The following TET2 variants were observed in gnomAD, a reference collection of about 807,000 sequenced individuals.
TET2 encodes the protein methylcytosine dioxygenase TET2.
TET2 carries 299 observed loss-of-function variants against 142.9 expected under a neutral mutation model. The observed-to-expected ratio is 2.09, with a 90% CI of 1.90 to 2.30. The LOEUF is 2.30. TET2 is among the 30% of genes most tolerant of loss of function. The pLI, the probability that TET2 is intolerant of heterozygous loss-of-function variation, is 0.00. For synonymous variants in TET2, 819 were observed against 849.0 expected (o/e 0.96, Z 0.61); for missense variants, 2,418 against 2,378.0 (o/e 1.02, Z -0.35).
At chr4:105,264,917 C>T (rs546879309) in intron 8 of TET2, among the ~76,000 whole-genome samples, 3 of 152,270 alleles carry the variant, frequency 2.0e-5, no homozygotes, top group South Asian at 2.1e-4. Context: ...TCCTTGATTT[C>T]ATGAAGTCTT....
At chr4:105,240,342 T>A (rs1161580911) in intron 3 of TET2, 8 of 1,066,888 alleles carry the variant, frequency 7.5e-6, no homozygotes, top group Admixed American at 5.5e-5. Flanking sequence ...AAAAGCTTTT[T>A]GTTAAAATTC....
chr4:105,163,840 AGAGAGAG>A (rs1560716732), intron 1 of TET2, among the ~76,000 whole-genome samples: 23 of 117,460 alleles, frequency 2.0e-4, no homozygotes, highest in African/African-American at 8.1e-4. Context: ...AGAGAGAGAG[AGAGAGAG>A]AGAGAGAGTG....
intron 8 of TET2, among the ~76,000 whole-genome samples, chr4:105,262,784 G>A (rs1460215367): frequency 6.6e-6 from 1 of 152,018 alleles, no homozygotes; most frequent in Non-Finnish European, 1.5e-5. Context: ...GGAAGGCTAA[G>A]GCAGGAGAAT....
At chr4:105,219,119 A>G (rs938169233) in intron 2 of TET2, among the ~76,000 whole-genome samples, 2 of 152,118 alleles carry the variant, frequency 1.3e-5, no homozygotes, top group Non-Finnish European at 2.9e-5. Context: ...TTTTCATTAG[A>G]ACTGATACAT....
At chr4:105,213,538 T>G (rs1188557386) in intron 2 of TET2, among the ~76,000 whole-genome samples, 1 of 152,194 alleles carries the variant, frequency 6.6e-6, no homozygotes, top group Non-Finnish European at 1.5e-5. Flanking sequence ...CCAAATGGAC[T>G]TCCTGCTATT....
intron 2 of TET2, among the ~76,000 whole-genome samples, chr4:105,192,991 G>A (rs1725872610): frequency 1.3e-5 from 2 of 152,124 alleles, no homozygotes; most frequent in African/African-American, 4.8e-5. Context: ...AGTAGTAAAA[G>A]GTTTTATGCA....
At chr4:105,264,316 C>T (rs1730588939) in intron 8 of TET2, among the ~76,000 whole-genome samples, 1 of 152,090 alleles carries the variant, frequency 6.6e-6, no homozygotes, top group Admixed American at 6.6e-5. Flanking sequence ...GTTTAATTCT[C>T]AGCAAGAACT....
Position 105,234,249 on chromosome 4 carries a change from CT to C in TET2, c.308del (p.Leu103ProfsTer10). 1 of 1,614,134 alleles carries C rather than the reference CT, an allele frequency of 6.2e-7. No homozygotes were observed. Among genetic ancestry groups the C allele is most frequent in the Non-Finnish European group, 8.5e-7 (1 of 1,180,008 alleles). Reference protein sequence around the residue: ...GIKRTVSEPSLSGLLQIKKLK... With the variant: ...GIKRTVSEPSXSGLLQIKKLK... The stretch of plus-strand genomic sequence containing the variant: ...AAAACGCACAGTTAGTGAACCTTCT[CT>C]CTCTGGGCTCCTTCAGATCAAGAAA... On this transcript the variant is annotated frameshift_variant, in exon 3 of 11. Coordinates refer to ENST00000380013, the MANE Select transcript of TET2 (RefSeq NM_001127208.3). LOFTEE classifies it high-confidence loss of function.
At chr4:105,173,894 TA>T (rs1724626029) in intron 1 of TET2, among the ~76,000 whole-genome samples, 1 of 152,172 alleles carries the variant, frequency 6.6e-6, no homozygotes, top group Admixed American at 6.5e-5. Context: ...TTCAGTTTAA[TA>T]AAATATTGAC....
In TET2 at chr4:105,238,873, GGC is replaced by G. The variant is rs1182465664; in HGVS notation, c.3409+1523_3409+1524del. The G allele has an allele frequency of 1.5e-3, 354 of 239,092 alleles. 2 individuals carry two copies. The highest frequency in any genetic ancestry group is 7.5e-3 in the African/African-American group (337 of 44,960). The allele number at this position is 239,092 out of a possible 1,614,324, so 14.8% of individuals were successfully genotyped here. On this transcript the variant is annotated intron_variant, in intron 3 of 10. Transcript: ENST00000380013. ...CCCGGATCCATCAGAAGACTATCTT[GGC>G]AGCTGTAGACTAACAATATATTTCT...
intron 2 of TET2, among the ~76,000 whole-genome samples, chr4:105,214,645 G>A (rs981811896): frequency 6.6e-6 from 1 of 151,626 alleles, no homozygotes; most frequent in Non-Finnish European, 1.5e-5. Flanking sequence ...CCCCAGAGAA[G>A]GTCCCACCCT....
chr4:105,256,828 T>C (rs943272075), intron 6 of TET2, among the ~76,000 whole-genome samples: 1 of 152,130 alleles, frequency 6.6e-6, no homozygotes, highest in Non-Finnish European at 1.5e-5. Flanking sequence ...TTCAAGTCCC[T>C]TTTTCCCCTC....
chr4:105,155,095 TAAC>T (rs1723498667), intron 1 of TET2, among the ~76,000 whole-genome samples: 3 of 152,132 alleles, frequency 2.0e-5, no homozygotes, highest in South Asian at 2.1e-4. Flanking sequence ...CTAGAAATAA[TAAC>T]AAATTACTAG....
chr4:105,151,912 T>C (rs903971780), intron 1 of TET2, among the ~76,000 whole-genome samples: 5 of 152,074 alleles, frequency 3.3e-5, no homozygotes, highest in African/African-American at 1.2e-4. Flanking sequence ...CTGTCTCTAC[T>C]AAAAATACAA....
intron 2 of TET2, among the ~76,000 whole-genome samples, chr4:105,200,927 G>A (rs766780499): frequency 1.3e-5 from 2 of 152,198 alleles, no homozygotes; most frequent in East Asian, 1.9e-4. Flanking sequence ...CCAAAGTGCT[G>A]GGATTACAGG....
At chr4:105,261,681 A>G (rs1394106176) in intron 7 of TET2, 78 bp from the exon 8 acceptor site, 1 of 815,580 alleles carries the variant, frequency 1.2e-6, no homozygotes, top group Non-Finnish European at 1.9e-6. Context: ...TGTAAGGGGA[A>G]TAATCTAACT....
chr4:105,190,395 T>G lies in TET2; in HGVS notation c.-157T>G. 1.4e-6 allele frequency: 1 copy of G among 690,398 alleles called. No individual in the cohort carries two copies. Among genetic ancestry groups the G allele is most frequent in the East Asian group, 2.7e-5 (1 of 37,232 alleles). The allele number at this position is 690,398 out of a possible 1,614,324, so 42.8% of individuals were successfully genotyped here. On this transcript the variant is annotated 5_prime_UTR_variant, in exon 2 of 11. In the 5' UTR this introduces an upstream ATG that the reference lacks. Coordinates refer to ENST00000380013, the MANE Select transcript of TET2 (RefSeq NM_001127208.3). ...ATTCAGCAGCACACCCTCTCAAGATTGTTTACTTGCCTTTGCTCCTGTTGA... is the reference window on the plus strand; with the variant it reads ...ATTCAGCAGCACACCCTCTCAAGATGGTTTACTTGCCTTTGCTCCTGTTGA...
At chr4:105,184,544 G>A (rs1314741176) in intron 1 of TET2, among the ~76,000 whole-genome samples, 1 of 152,190 alleles carries the variant, frequency 6.6e-6, no homozygotes, top group East Asian at 1.9e-4. Context: ...GTCTATGTTA[G>A]GAGGAGCAGG....
chr4:105,201,089 G>A (rs1386738669), intron 2 of TET2, among the ~76,000 whole-genome samples: 3 of 152,086 alleles, frequency 2.0e-5, no homozygotes, highest in Non-Finnish European at 4.4e-5. Context: ...ATAATACCAC[G>A]GTTGAAATCC....
Sources: gnomAD v4.1 joint callset for allele counts (sites outside exome capture counted in the v4.1 genomes callset) on GRCh38, gnomAD v4.1.1 for gene constraint, MANE v1.5 for transcripts, NCBI Gene and HGNC (gene_info 2026-07-23, HGNC 2026-07-21) for gene names.